VEZF1: variants seen among roughly 807,000 people sequenced by gnomAD.
The protein encoded by VEZF1 is putative transcription factor DB1.
VEZF1 carries 5 observed loss-of-function variants against 44.1 expected under a neutral mutation model. The ratio of observed to expected loss-of-function variants is 0.11; its 90% CI spans 0.06 to 0.24. The LOEUF is 0.24. Among genes scored for constraint, VEZF1 ranks in the 10% least tolerant of loss-of-function variants. VEZF1 has a pLI of 1.00. For missense variants in VEZF1, 358 were observed against 641.8 expected, an observed-to-expected ratio of 0.56 and a Z score of 4.78; for synonymous variants, 236 against 233.1, an observed-to-expected ratio of 1.01 and a Z score of -0.11.
intron 1 of VEZF1, chr17:57,985,123 C>A (rs1194958277): frequency 1.9e-6 from 1 of 529,150 alleles, no homozygotes; most frequent in African/African-American, 2.0e-5. Flanking sequence ...TGAAGATATA[C>A]AATTTCAAAG....
At chr17:57,983,557 CA>C (rs1430145351) in intron 1 of VEZF1, among the ~76,000 whole-genome samples, 164 bp from the exon 2 acceptor site, 3 of 152,190 alleles carry the variant, frequency 2.0e-5, no homozygotes, top group Non-Finnish European at 4.4e-5. Flanking sequence ...GCTCACAATA[CA>C]AAGCATTGAA....
chr17:57,974,242 G>A lies in VEZF1; in HGVS notation c.*231C>T, dbSNP rs562075755. 3.3e-4 allele frequency: 186 copies of A among 556,212 alleles called. No homozygotes were observed. The highest frequency in any genetic ancestry group is 3.2e-3 in the African/African-American group (173 of 53,392). The allele number at this position is 556,212 out of a possible 1,614,324, so 34.5% of individuals were successfully genotyped here. On this transcript the variant is annotated 3_prime_UTR_variant, in exon 6 of 6. Transcript: ENST00000581208. ...CCAACTACTATCCTGTTTAAGCAAT[G>A]TTGTCAGCTAAAAGGAATTTCTGAT... is the stretch of plus-strand genomic sequence containing the variant.
chr17:57,980,592 G>GCAC lies in VEZF1; in HGVS notation c.976+8_976+10dup, dbSNP rs2075240143. 1.2e-6 allele frequency: 2 copies of GCAC among 1,610,732 alleles called. No homozygotes were observed. The highest frequency in any genetic ancestry group is 2.7e-5 in the African/African-American group (2 of 74,900). On this transcript the variant is annotated intron_variant, in intron 4 of 5. Transcript: ENST00000581208. ...AAATATAAAAGAAAGAAAATCTGAA[G>GCAC]CACCACCTACTTTTACTGATGCCTT...
At chr17:57,979,456 C>A in intron 4 of VEZF1, 143 bp from the exon 5 acceptor site, 2 of 1,178,102 alleles carry the variant, frequency 1.7e-6, no homozygotes, top group Non-Finnish European at 1.1e-6. Context: ...GCTGCTGTGT[C>A]TATATTGGTC....
intron 3 of VEZF1, among the ~76,000 whole-genome samples, chr17:57,981,479 ACAT>A (rs992707305): frequency 6.6e-6 from 1 of 152,236 alleles, no homozygotes; most frequent in Admixed American, 6.5e-5. Context: ...GTAAGTGGTA[ACAT>A]TTGGGAGAAA....
intron 5 of VEZF1, 57 bp from the exon 6 acceptor site, chr17:57,974,957 A>G: frequency 6.6e-7 from 1 of 1,523,646 alleles, no homozygotes; most frequent in Non-Finnish European, 8.9e-7. Flanking sequence ...AAAATTCACA[A>G]AGTTTCTGAA....
chr17:57,984,758 C>A (rs184237122), intron 1 of VEZF1, among the ~76,000 whole-genome samples: 2 of 152,290 alleles, frequency 1.3e-5, no homozygotes, highest in African/African-American at 4.8e-5. Context: ...TACTTGATGG[C>A]AGCATAACAG....
At chr17:57,982,151 A>G (rs1567739727) in intron 2 of VEZF1, among the ~76,000 whole-genome samples, 1 of 152,212 alleles carries the variant, frequency 6.6e-6, no homozygotes, top group East Asian at 1.9e-4. Context: ...CCTAGTCAAC[A>G]TCAAATCATA....
intron 4 of VEZF1, among the ~76,000 whole-genome samples, chr17:57,980,018 A>G (rs1028603228): frequency 5.3e-5 from 8 of 151,980 alleles, no homozygotes; most frequent in South Asian, 2.1e-4. Context: ...GAATGCTTAT[A>G]AAGTACAACA....
At chr17:57,986,581 A>G (rs928228021) in intron 1 of VEZF1, among the ~76,000 whole-genome samples, 12 of 152,372 alleles carry the variant, frequency 7.9e-5, no homozygotes, top group African/African-American at 2.9e-4. Context: ...GGGGAAGTTC[A>G]TGAATTCCAT....
intron 2 of VEZF1, 45 bp from the exon 3 acceptor site, chr17:57,981,981 G>A (rs1394255744): frequency 1.9e-6 from 3 of 1,587,092 alleles, no homozygotes; most frequent in South Asian, 2.2e-5. Context: ...CGAACACATA[G>A]AGAAATGCTA....
chr17:57,983,316 G>C lies in VEZF1; in HGVS notation c.111C>G (p.Pro37=). 6.2e-7 allele frequency: 1 copy of C among 1,614,088 alleles called. No individual in the cohort carries two copies. The highest frequency in any genetic ancestry group is 8.5e-7 in the Non-Finnish European group (1 of 1,180,026). Residue 37 remains proline (P), a synonymous_variant, in exon 2 of 6, where the codon CCC becomes CCG. Transcript: ENST00000581208. ...LLPLLSSAVE[P]PDQKPLLPIP... is the part of the protein sequence containing the mutation. ...TTGGAAGCAATGGTTTCTGATCAGG[G>C]GGCTCCACGGCAGAGCTCAGGAGGG...
rs898129833 is a variant in VEZF1, at chr17:57,976,522, A to G, written c.1139-1622T>C. The stretch of plus-strand genomic sequence containing the variant: ...GTATTTTTAAAAAGCTTCCCAGACA[A>G]TATGATTGTCGATCAGGTTTGAAAA... On this transcript the variant is annotated intron_variant, in intron 5 of 5. Transcript: ENST00000581208. Among the ~76,000 whole-genome samples the G allele has an allele frequency of 3.3e-5, 5 of 152,216 alleles. No homozygotes were observed. The South Asian group carries it at 1.0e-3, about 31-fold the overall frequency.
chr17:57,981,849 A>C lies in VEZF1; in HGVS notation c.792+24T>G, dbSNP rs764936687. 1.9e-6 allele frequency: 3 copies of C among 1,607,806 alleles called. No individual in the cohort carries two copies. In the African/African-American group the frequency reaches 4.0e-5, roughly 21 times the overall value. ...ATAATGTGCATTAAGTGCTACACTA[A>C]GGATAAGTCATTTTAACTCTTACTT... On this transcript the variant is annotated intron_variant, in intron 3 of 5. Coordinates refer to ENST00000581208, the MANE Select transcript of VEZF1 (RefSeq NM_007146.3).
At chr17:57,985,321 C>T (rs527442321) in intron 1 of VEZF1, 56 of 1,231,512 alleles carry the variant, frequency 4.5e-5, no homozygotes, top group Middle Eastern at 3.1e-4. Flanking sequence ...GAAGCTCACT[C>T]TCACAGGAGG....
rs765230121 is a variant in VEZF1, at chr17:57,979,275, G to GCTC, written c.1014_1015insGAG (p.Gln338_Gln339insGlu). The GCTC allele has an allele frequency of 2.5e-6, 4 of 1,610,484 alleles. No individual in the cohort carries two copies. The highest frequency in any genetic ancestry group is 3.4e-6 in the Non-Finnish European group (4 of 1,176,952). Reference sequence around the variant, plus strand: ...TGCTGCTGCTGCTGCTGCTGCTGCTGCTGCTGCTTTTGGTTACTGGTCTCT... The same window carrying GCTC: ...TGCTGCTGCTGCTGCTGCTGCTGCTGCTCCTGCTGCTTTTGGTTACTGGTCTCT... On this transcript the variant is annotated inframe_insertion, in exon 5 of 6. Coordinates refer to ENST00000581208, the MANE Select transcript of VEZF1 (RefSeq NM_007146.3).
At chr17:57,982,181 A>G (rs1022688784) in intron 2 of VEZF1, among the ~76,000 whole-genome samples, 7 of 152,216 alleles carry the variant, frequency 4.6e-5, no homozygotes, top group Non-Finnish European at 1.0e-4. Context: ...GATTCTTTAC[A>G]ATTACAAAAT....
chr17:57,979,789 G>A (rs137917083), intron 4 of VEZF1, among the ~76,000 whole-genome samples: 7 of 151,764 alleles, frequency 4.6e-5, no homozygotes, highest in Non-Finnish European at 7.4e-5. Flanking sequence ...GTGAAACGCC[G>A]TCTCTATGAA....
intron 5 of VEZF1, among the ~76,000 whole-genome samples, chr17:57,976,728 T>G (rs528158890): frequency 9.7e-4 from 147 of 152,262 alleles, no homozygotes; most frequent in African/African-American, 3.1e-3. Context: ...CAATAACATT[T>G]TGTTTCATGG....
Sources: allele counts gnomAD v4.1 joint callset (sites outside exome capture counted in the v4.1 genomes callset), GRCh38; gene constraint gnomAD v4.1.1; transcripts MANE v1.5; gene names NCBI Gene and HGNC (gene_info 2026-07-23, HGNC 2026-07-21).